Variants in BACH2 observed in about 807,000 individuals in gnomAD.
The protein encoded by BACH2 is BACH transcriptional regulator 2.
In BACH2, 5 loss-of-function variants were observed where a neutral mutation model predicts 61.8. That is an observed-to-expected ratio of 0.08 (90% confidence interval 0.04 to 0.17). BACH2 has a LOEUF of 0.17. Among genes scored for constraint, BACH2 ranks in the 10% least tolerant of loss-of-function variants. BACH2 has a pLI of 1.00. For missense variants in BACH2, 824 were observed against 1,091.1 expected (o/e 0.76, Z 3.45); for synonymous variants, 446 against 440.1 (o/e 1.01, Z -0.17).
intron 6 of BACH2, among the ~76,000 whole-genome samples, chr6:89,972,913 A>T (rs1775445520): frequency 6.6e-6 from 1 of 151,936 alleles, no homozygotes; most frequent in Non-Finnish European, 1.5e-5. Flanking sequence ...ACATGGTGAA[A>T]CCCGTCTCTA....
chr6:90,031,620 T>C (rs1055481925), intron 5 of BACH2, among the ~76,000 whole-genome samples: 1 of 152,070 alleles, frequency 6.6e-6, no homozygotes, highest in African/African-American at 2.4e-5. Flanking sequence ...TCAAAGAGAA[T>C]AAAATACTTA....
At chr6:90,261,041 G>C (rs573152380) in intron 2 of BACH2, among the ~76,000 whole-genome samples, 1 of 152,334 alleles carries the variant, frequency 6.6e-6, no homozygotes, top group African/African-American at 2.4e-5. Flanking sequence ...TGGCTGCAGA[G>C]GGGCAGCAGT....
At chr6:90,046,984 T>C (rs1009580901) in intron 5 of BACH2, among the ~76,000 whole-genome samples, 1 of 152,050 alleles carries the variant, frequency 6.6e-6, no homozygotes, top group African/African-American at 2.4e-5. Flanking sequence ...CAGGCTGGAG[T>C]GCAATGGCAT....
At chr6:90,099,102 A>G (rs112542602) in intron 4 of BACH2, among the ~76,000 whole-genome samples, 2,052 of 151,876 alleles carry the variant, frequency 0.014, 56 homozygotes, top group African/African-American at 0.048. Flanking sequence ...TTTGCACTTA[A>G]TTCCTTTGTT....
At chr6:90,176,998 GTTAATATGTTAAT>G (rs1166852978) in intron 4 of BACH2, among the ~76,000 whole-genome samples, 1 of 151,970 alleles carries the variant, frequency 6.6e-6, no homozygotes. Context: ...CCAACTCCAT[GTTAATATGTTAAT>G]TTAATATGTT....
chr6:90,287,085 A>G (rs1223729577), intron 1 of BACH2, among the ~76,000 whole-genome samples: 1 of 152,206 alleles, frequency 6.6e-6, no homozygotes, highest in Non-Finnish European at 1.5e-5. Flanking sequence ...CTGGCACTAG[A>G]TGGAGCCATC....
rs1453418917 is a variant in BACH2, at chr6:89,950,719, G to A, written c.1387C>T (p.Pro463Ser). 6.2e-7 allele frequency: 1 copy of A among 1,614,176 alleles called. No individual in the cohort carries two copies. Among genetic ancestry groups the A allele is most frequent in the Non-Finnish European group, 8.5e-7 (1 of 1,180,044 alleles). The change falls in exon 7 of 9, where the codon CCA becomes TCA. Residue 463 changes from proline to serine, a missense_variant. Around this residue, in one of 8 missense-constraint regions of BACH2, gnomAD observed 102 missense variants for 98.1 expected, o/e 1.04. Transcript: ENST00000257749. This position sits in a 1 kb window ranked among gnomAD's most constrained non-coding sequence, Gnocchi z 5.3. ...SLDKDLSEPVPKGLWVGAGQS... is the reference protein window; with the variant it reads ...SLDKDLSEPVSKGLWVGAGQS... ...CCGGCTCCCACCCACAGACCCTTTG[G>A]CACCGGCTCAGAGAGGTCTTTGTCC... is the stretch of plus-strand genomic sequence containing the variant.
At chr6:90,201,389 A>G (rs145016404) in intron 4 of BACH2, among the ~76,000 whole-genome samples, 2 of 152,334 alleles carry the variant, frequency 1.3e-5, no homozygotes, top group African/African-American at 4.8e-5. Flanking sequence ...GGTGAAAAAT[A>G]CTATCTCATC....
At chr6:90,109,515 T>A (rs904358485) in intron 4 of BACH2, among the ~76,000 whole-genome samples, 1 of 152,200 alleles carries the variant, frequency 6.6e-6, no homozygotes, top group Non-Finnish European at 1.5e-5. Flanking sequence ...GTCACCTATA[T>A]GCTGAAGTCT....
At chr6:89,945,753 A>G (rs1773684888) in intron 7 of BACH2, among the ~76,000 whole-genome samples, 1 of 152,160 alleles carries the variant, frequency 6.6e-6, no homozygotes, top group Non-Finnish European at 1.5e-5. Context: ...ATAGACATAC[A>G]TAAAATTCAA....
chr6:89,930,122 C>G lies in BACH2; in HGVS notation c.*2286G>C, dbSNP rs1343161185. The G allele has an allele frequency of 8.1e-6, 1 of 123,758 alleles. No individual in the cohort carries two copies. The highest frequency in any genetic ancestry group is 7.9e-5 in the Admixed American group (1 of 12,698). 7.7% of individuals were successfully genotyped at this position (123,758 alleles called of 1,614,324 possible). ...TATCAAGATCTGTTTCAGACACACACACACACACACACACACACACACACA... is the reference window on the plus strand; with the variant it reads ...TATCAAGATCTGTTTCAGACACACAGACACACACACACACACACACACACA... On this transcript the variant is annotated 3_prime_UTR_variant, in exon 9 of 9. Coordinates refer to ENST00000257749, the MANE Select transcript of BACH2 (RefSeq NM_021813.4).
Position 90,139,897 on chromosome 6 carries a change from T to C in BACH2, c.-161-50788A>G, listed in dbSNP as rs374882187. Among the ~76,000 whole-genome samples, 3 of 152,284 alleles carry C rather than the reference T, an allele frequency of 2.0e-5. No individual in the cohort carries two copies. In the East Asian group the frequency reaches 5.8e-4, roughly 29 times the overall value. On this transcript the variant is annotated intron_variant, in intron 4 of 8. Transcript: ENST00000257749. ...GACGGTTAAGCCAGACTCCAGCTAA[T>C]AGACACCCTCCCCAAATCAGGGCTT...
chr6:89,990,670 T>C (rs1582152698), intron 6 of BACH2, among the ~76,000 whole-genome samples: 1 of 152,036 alleles, frequency 6.6e-6, no homozygotes, highest in Non-Finnish European at 1.5e-5. Flanking sequence ...CATGTTCGTA[T>C]GTCACCTTCT....
intron 4 of BACH2, chr6:90,116,968 T>C (rs992240743): frequency 5.4e-6 from 2 of 370,622 alleles, no homozygotes; most frequent in Non-Finnish European, 5.3e-6. Context: ...GTGAAAATGA[T>C]AGACATGGGT....
chr6:90,227,493 T>G (rs1412965410), intron 3 of BACH2, among the ~76,000 whole-genome samples: 1 of 152,204 alleles, frequency 6.6e-6, no homozygotes, highest in Non-Finnish European at 1.5e-5. Context: ...CATGTTCTAA[T>G]TTCTGAACAA....
intron 4 of BACH2, among the ~76,000 whole-genome samples, chr6:90,141,682 CTTA>C (rs1039474638): frequency 2.0e-5 from 3 of 152,136 alleles, no homozygotes; most frequent in Admixed American, 2.0e-4. Flanking sequence ...TAATCATCTT[CTTA>C]TGATACCTAA....
chr6:89,932,962 T>C, intron 8 of BACH2, 72 bp from the exon 9 acceptor site: 3 of 1,473,262 alleles, frequency 2.0e-6, no homozygotes, highest in Non-Finnish European at 2.7e-6. Flanking sequence ...CGTTTCAGGT[T>C]TTCCAGCCTT....
intron 3 of BACH2, among the ~76,000 whole-genome samples, chr6:90,218,482 C>G (rs931233113): frequency 6.6e-6 from 1 of 151,750 alleles, no homozygotes; most frequent in Non-Finnish European, 1.5e-5. Flanking sequence ...CCTCTTCCCC[C>G]ACCCTCCTCT....
At position 90,140,230 on chromosome 6, in the gene BACH2, T is replaced by G. The variant is rs149212286; in HGVS notation, c.-161-51121A>C. ...GGCCATAACTTAGTCGCATGGCCAGTGAGGCTGGGAAACACAATTTTGGTT... is the reference window on the plus strand; with the variant it reads ...GGCCATAACTTAGTCGCATGGCCAGGGAGGCTGGGAAACACAATTTTGGTT... On this transcript the variant is annotated intron_variant, in intron 4 of 8. Coordinates refer to ENST00000257749, the MANE Select transcript of BACH2 (RefSeq NM_021813.4). Among the ~76,000 whole-genome samples the G allele has an allele frequency of 9.1e-3, 1,390 of 152,346 alleles. 13 individuals are homozygous for G. Among genetic ancestry groups the G allele is most frequent in the Middle Eastern group, 0.024 (7 of 294 alleles).
Sources: gnomAD v4.1 joint callset for allele counts (sites outside exome capture counted in the v4.1 genomes callset) on GRCh38, gnomAD v4.1.1 for gene constraint, gnomAD v4.1.1 regional missense constraint, Gnocchi (gnomAD v3.1) non-coding constraint, MANE v1.5 for transcripts, NCBI Gene and HGNC (gene_info 2026-07-23, HGNC 2026-07-21) for gene names.